Variants in KIF5C observed in about 807,000 individuals in gnomAD.
KIF5C encodes the protein kinesin heavy chain isoform 5C.
KIF5C carries 18 observed loss-of-function variants against 125.2 expected under a neutral mutation model. The ratio of observed to expected loss-of-function variants is 0.14; its 90% CI spans 0.10 to 0.21. KIF5C has a LOEUF of 0.21. KIF5C is among the 10% of genes least tolerant of loss of function. The pLI is 1.00. For synonymous variants in KIF5C, 405 were observed against 434.0 expected (o/e 0.93, Z 0.83); for missense variants, 780 against 1,183.8 (o/e 0.66, Z 5.01).
chr2:148,986,016 C>T (rs1362609247), intron 15 of KIF5C, among the ~76,000 whole-genome samples: 2 of 152,124 alleles, frequency 1.3e-5, no homozygotes, highest in African/African-American at 2.4e-5. Flanking sequence ...TTGAACCATA[C>T]ATTGGTGTTG....
chr2:148,885,559 C>G (rs1234880462), intron 1 of KIF5C: 2 of 152,208 alleles, frequency 1.3e-5, no homozygotes, highest in African/African-American at 4.8e-5. Flanking sequence ...CATACCCATC[C>G]TTGATGTGAA....
At chr2:148,918,274 TAATGTGTGTGG>T (rs1681640470) in intron 1 of KIF5C, among the ~76,000 whole-genome samples, 1 of 152,210 alleles carries the variant, frequency 6.6e-6, no homozygotes, top group Non-Finnish European at 1.5e-5. Context: ...TTTTCAGTAG[TAATGTGTGTGG>T]AATGTGTGTG....
chr2:148,977,580 T>A (rs1681110774), intron 12 of KIF5C, among the ~76,000 whole-genome samples: 1 of 152,228 alleles, frequency 6.6e-6, no homozygotes, highest in Non-Finnish European at 1.5e-5. Context: ...TTTGGAGGTT[T>A]CATTCTGGTA....
intron 11 of KIF5C, among the ~76,000 whole-genome samples, chr2:148,971,993 G>T (rs559123568): frequency 1.6e-4 from 24 of 152,206 alleles, no homozygotes; most frequent in Admixed American, 2.6e-4. Context: ...GGAGTGCAAT[G>T]GCGCGATCTC....
At chr2:148,921,576 G>T (rs140774655) in intron 1 of KIF5C, among the ~76,000 whole-genome samples, 114 of 152,270 alleles carry the variant, frequency 7.5e-4, no homozygotes, top group African/African-American at 2.7e-3. Flanking sequence ...TTCTGCCTAG[G>T]ATGCGCTTCT....
At chr2:148,914,484 T>G (rs542305824) in intron 1 of KIF5C, among the ~76,000 whole-genome samples, 88 of 152,384 alleles carry the variant, frequency 5.8e-4, no homozygotes, top group African/African-American at 2.0e-3. Context: ...ATCTTGACAG[T>G]GTCTGTGTGT....
chr2:148,993,737 C>T (rs1681588364), intron 16 of KIF5C, among the ~76,000 whole-genome samples: 1 of 152,158 alleles, frequency 6.6e-6, no homozygotes, highest in Non-Finnish European at 1.5e-5. Context: ...TACCACTGTC[C>T]CTGTTCAGCC....
rs1682648974 is a variant in KIF5C at position 149,025,008 on chromosome 2, T to A, written c.*1938T>A. 6.6e-6 allele frequency: 1 copy of A among 152,270 alleles called. No individual in the cohort carries two copies. Among genetic ancestry groups the A allele is most frequent in the African/African-American group, 2.4e-5 (1 of 41,456 alleles). The allele number at this position is 152,270 out of a possible 1,614,324, so 9.4% of individuals were successfully genotyped here. On this transcript the variant is annotated 3_prime_UTR_variant, in exon 26 of 26. Coordinates refer to ENST00000435030, the MANE Select transcript of KIF5C (RefSeq NM_004522.3). Reference sequence around the variant, plus strand: ...GTCATTACCACTACTCTCCATTACTTTTTGTTTGGAAATTGAACAAAGGTC... The same window carrying A: ...GTCATTACCACTACTCTCCATTACTATTTGTTTGGAAATTGAACAAAGGTC...
chr2:148,988,759 C>A (rs185961730), intron 15 of KIF5C, among the ~76,000 whole-genome samples: 1 of 152,248 alleles, frequency 6.6e-6, no homozygotes, highest in East Asian at 1.9e-4. Context: ...TGTCTCCATG[C>A]CATTAGAATA....
rs989309705 is a variant in KIF5C, at chr2:148,876,653, G to A, written c.126+910G>A. ...CCTACTTAGCTCCCTCTCTGCAGCT[G>A]GGGCTGCTGGTAGGGGGAGGGAACA... On this transcript the variant is annotated intron_variant, in intron 1 of 25. Coordinates refer to ENST00000435030, the MANE Select transcript of KIF5C (RefSeq NM_004522.3). The surrounding 1 kb of genome is among the most constrained non-coding windows in gnomAD (Gnocchi z 4.7). 3.9e-5 allele frequency among the ~76,000 whole-genome samples: 6 copies of A among 151,928 alleles called. No individual in the cohort carries two copies. The highest frequency in any genetic ancestry group is 1.5e-4 in the African/African-American group (6 of 41,352).
Position 148,875,352 on chromosome 2 carries a change from G to T in KIF5C, c.-266G>T, listed in dbSNP as rs1681148661. On this transcript the variant is annotated 5_prime_UTR_variant, in exon 1 of 26. Coordinates refer to ENST00000435030, the MANE Select transcript of KIF5C (RefSeq NM_004522.3). Reference sequence around the variant, plus strand: ...CGCGTGGTCGCGGGCAGGTGGGCCGGGGGGCGCTGGGCAGGGGCGGGGCAG... The same window carrying T: ...CGCGTGGTCGCGGGCAGGTGGGCCGTGGGGCGCTGGGCAGGGGCGGGGCAG... 6 of 348,480 alleles carry T rather than the reference G, an allele frequency of 1.7e-5. No homozygotes were observed. Among genetic ancestry groups the T allele is most frequent in the Non-Finnish European group, 3.1e-5 (6 of 194,612 alleles). The allele number at this position is 348,480 out of a possible 1,614,324, so 21.6% of individuals were successfully genotyped here.
At chr2:148,922,014 C>A in intron 1 of KIF5C, 123 bp from the exon 2 acceptor site, 1 of 590,268 alleles carries the variant, frequency 1.7e-6, no homozygotes, top group Non-Finnish European at 3.0e-6. Context: ...TAATGAACTG[C>A]CTTAAAGAAC....
chr2:148,977,381 T>C (rs1681105712), intron 12 of KIF5C, among the ~76,000 whole-genome samples: 1 of 152,238 alleles, frequency 6.6e-6, no homozygotes, highest in South Asian at 2.1e-4. Flanking sequence ...GCTTGTCCAT[T>C]TGTCCCAGGA....
At chr2:148,906,663 G>A (rs1163392895) in intron 1 of KIF5C, among the ~76,000 whole-genome samples, 1 of 152,092 alleles carries the variant, frequency 6.6e-6, no homozygotes, top group Non-Finnish European at 1.5e-5. Context: ...TCAGGGGTTC[G>A]AGACCAGCCT....
At chr2:148,937,441 T>C (rs1389054630) in intron 4 of KIF5C, 53 bp downstream of exon 4, 2 of 1,529,736 alleles carry the variant, frequency 1.3e-6, no homozygotes, top group African/African-American at 2.8e-5. Context: ...AGATAACGTT[T>C]CTTATACCTC....
At chr2:148,897,555 C>G (rs897104457) in intron 1 of KIF5C, among the ~76,000 whole-genome samples, 2 of 152,044 alleles carry the variant, frequency 1.3e-5, no homozygotes, top group African/African-American at 4.8e-5. Flanking sequence ...AGACACTATG[C>G]TAGGTACCAG....
chr2:148,918,512 C>G (rs910753236), intron 1 of KIF5C, among the ~76,000 whole-genome samples: 9 of 152,082 alleles, frequency 5.9e-5, no homozygotes, highest in African/African-American at 2.2e-4. Flanking sequence ...CTCCTAGGAC[C>G]ATGAAAACTT....
At chr2:148,901,091 G>C (rs35916547) in intron 1 of KIF5C, among the ~76,000 whole-genome samples, 6 of 152,182 alleles carry the variant, frequency 3.9e-5, no homozygotes, top group African/African-American at 1.4e-4. Context: ...TTTAGTCTTA[G>C]GTGGTTGTTG....
At chr2:148,977,893 G>C (rs892301977) in intron 12 of KIF5C, among the ~76,000 whole-genome samples, 46 of 152,176 alleles carry the variant, frequency 3.0e-4, no homozygotes, top group African/African-American at 1.0e-3. Context: ...GTTTGGGTTA[G>C]ATTTCACCCC....
Sources: allele counts gnomAD v4.1 joint callset (sites outside exome capture counted in the v4.1 genomes callset), GRCh38; gene constraint gnomAD v4.1.1; non-coding constraint Gnocchi (gnomAD v3.1); transcripts MANE v1.5; gene names NCBI Gene and HGNC (gene_info 2026-07-23, HGNC 2026-07-21).